Variants in TNS3 observed in about 807,000 individuals in gnomAD.
The protein encoded by TNS3 is tensin-3.
TNS3 carries 45 observed loss-of-function variants against 140.9 expected under a neutral mutation model. The ratio of observed to expected loss-of-function variants is 0.32; its 90% confidence interval spans 0.25 to 0.41. TNS3 has a LOEUF of 0.41. Among genes scored for constraint, TNS3 ranks in the 10% least tolerant of loss-of-function variants. The probability of loss-of-function intolerance (pLI) is 1.00; values close to 1 mark genes in which losing one functional copy is unlikely to be tolerated. For missense variants in TNS3, 1,716 were observed against 1,906.7 expected, an observed-to-expected ratio of 0.90 and a Z score of 1.86; for synonymous variants, 815 against 788.4, an observed-to-expected ratio of 1.03 and a Z score of -0.56.
rs189812459 is a variant in TNS3, at chr7:47,341,926, T to C, written c.2650+2829A>G. 7.2e-5 allele frequency among the ~76,000 whole-genome samples: 11 copies of C among 152,202 alleles called. No individual in the cohort carries two copies. The East Asian group carries it at 2.1e-3, about 29-fold the overall frequency. ...ATATTTTATCCTCATTTTCATTCAG[T>C]TCAGTATGTTTTTGGATTTCCCTCG... On this transcript the variant is annotated intron_variant, in intron 20 of 30. Transcript: ENST00000311160.
chr7:47,425,318 A>AAACAAC lies in TNS3; in HGVS notation c.390-1140_390-1135dup, dbSNP rs367840444. On this transcript the variant is annotated intron_variant, in intron 9 of 30. Coordinates refer to ENST00000311160, the MANE Select transcript of TNS3 (RefSeq NM_022748.12). The stretch of plus-strand genomic sequence containing the variant: ...GGTGACAGAGTGAGACTCCATCTCA[A>AAACAAC]AACAACAACAACAACAACAACAACA... Among the ~76,000 whole-genome samples the AAACAAC allele has an allele frequency of 8.6e-5, 13 of 151,912 alleles. 1 individual carries two copies. Among genetic ancestry groups the AAACAAC allele is most frequent in the African/African-American group, 2.4e-4 (10 of 41,350 alleles).
chr7:47,280,483 C>T, intron 28 of TNS3, 129 bp from the exon 29 acceptor site: 1 of 862,952 alleles, frequency 1.2e-6, no homozygotes, highest in Admixed American at 2.1e-5. Flanking sequence ...TTTTACTCAT[C>T]ACTTGGAGAG....
At chr7:47,538,445 C>G (rs1441712702) in intron 1 of TNS3, among the ~76,000 whole-genome samples, 1 of 152,122 alleles carries the variant, frequency 6.6e-6, no homozygotes, top group South Asian at 2.1e-4. Context: ...GGAGCAGTGT[C>G]CCAGAGCTCA....
chr7:47,473,043 G>A lies in TNS3; in HGVS notation c.-76+8060C>T, dbSNP rs113411276. On this transcript the variant is annotated intron_variant, in intron 4 of 30. Transcript: ENST00000311160. ...TCCCAATCTGAGTGTGATCGCCCAC[G>A]CAGCCCTCCTCCCACCCGACTGCTC... Among the ~76,000 whole-genome samples the A allele has an allele frequency of 7.9e-3, 1,197 of 152,156 alleles. 18 individuals are homozygous for A. Among genetic ancestry groups the A allele is most frequent in the African/African-American group, 0.027 (1,138 of 41,512 alleles).
In TNS3 at chr7:47,389,104, G is replaced by GAAGAAGAA. The variant is rs1562675556; in HGVS notation, c.1024+7695_1024+7696insTTCTTCTT. Among the ~76,000 whole-genome samples, 10 of 29,978 alleles carry GAAGAAGAA rather than the reference G, an allele frequency of 3.3e-4. 2 individuals are homozygous for GAAGAAGAA. The highest frequency in any genetic ancestry group is 1.8e-3 in the African/African-American group (9 of 4,940). 19.7% of individuals were successfully genotyped at this position (29,978 alleles called of 152,430 possible). On this transcript the variant is annotated intron_variant, in intron 16 of 30. Coordinates refer to ENST00000311160, the MANE Select transcript of TNS3 (RefSeq NM_022748.12). ...AAGAAGAGGAAGAGGAAGAGGAAGC[G>GAAGAAGAA]GAAGCAGAAGAAGAAGAAGAAGAAG...
chr7:47,578,562 G>C (rs1047492685), intron 1 of TNS3, among the ~76,000 whole-genome samples: 23 of 152,160 alleles, frequency 1.5e-4, no homozygotes, highest in Non-Finnish European at 2.2e-4. Context: ...AGGGGGTTGG[G>C]GGGGGGCGGT....
At chr7:47,422,109 T>C (rs537182308) in intron 10 of TNS3, among the ~76,000 whole-genome samples, 1 of 152,350 alleles carries the variant, frequency 6.6e-6, no homozygotes, top group Admixed American at 6.5e-5. Flanking sequence ...TTCGTTTACA[T>C]GCTCGATTAC....
intron 16 of TNS3, among the ~76,000 whole-genome samples, chr7:47,370,257 G>T (rs1465563706): frequency 1.3e-5 from 2 of 151,898 alleles, no homozygotes; most frequent in Non-Finnish European, 2.9e-5. Flanking sequence ...TCCAGCCTGG[G>T]CAAGAGAGCA....
At chr7:47,379,767 G>C (rs1399764209) in intron 16 of TNS3, among the ~76,000 whole-genome samples, 2 of 152,138 alleles carry the variant, frequency 1.3e-5, no homozygotes, top group Non-Finnish European at 2.9e-5. Flanking sequence ...CCTCTGAGCT[G>C]CCAGGAGGGG....
At chr7:47,287,221 T>C (rs1243970858) in intron 27 of TNS3, among the ~76,000 whole-genome samples, 1 of 152,180 alleles carries the variant, frequency 6.6e-6, no homozygotes, top group Non-Finnish European at 1.5e-5. Flanking sequence ...TTATATTATA[T>C]TCCTCTGCTT....
At chr7:47,346,811 T>C (rs1426271967) in intron 17 of TNS3, among the ~76,000 whole-genome samples, 1 of 152,206 alleles carries the variant, frequency 6.6e-6, no homozygotes, top group Non-Finnish European at 1.5e-5. Flanking sequence ...ATGGCCCGAC[T>C]ATGATAATTT....
chr7:47,518,098 C>CA (rs887907632), intron 2 of TNS3, among the ~76,000 whole-genome samples: 1 of 152,214 alleles, frequency 6.6e-6, no homozygotes, highest in African/African-American at 2.4e-5. Flanking sequence ...ACTGGGGTTG[C>CA]AGAGAGCCCA....
At chr7:47,460,576 G>A (rs75257333) in intron 4 of TNS3, among the ~76,000 whole-genome samples, 3,333 of 152,290 alleles carry the variant, frequency 0.022, 108 homozygotes, top group African/African-American at 0.076. Context: ...GCCGCCCTGC[G>A]CTCCCCTCAC....
intron 1 of TNS3, chr7:47,557,117 A>C: frequency 2.2e-6 from 1 of 456,830 alleles, no homozygotes; most frequent in South Asian, 1.5e-5. Flanking sequence ...TGCCTGGAGC[A>C]CATGAGGAGG....
In TNS3 at chr7:47,346,234, A is replaced by G. The variant is rs768225382; in HGVS notation, c.2404T>C (p.Tyr802His). 39 of 1,614,084 alleles carry G rather than the reference A, an allele frequency of 2.4e-5. No homozygotes were observed. Among genetic ancestry groups the G allele is most frequent in the Non-Finnish European group, 3.2e-5 (38 of 1,180,026 alleles). ...GGGAATGGCGGCAGGTTTGGGGCAT[A>G]GTCCACACCAGCCTTTCCCCATGCA... ...KCAWGKAGVDYAPNLPPFPSP... is the reference protein window; with the variant it reads ...KCAWGKAGVDHAPNLPPFPSP... Residue 802 changes from tyrosine (Y) to histidine (H), a missense_variant, in exon 18 of 31, where the codon TAT (tyrosine) becomes CAT (histidine). By Grantham distance (83) the Tyr-to-His change is moderately conservative (BLOSUM62 2). This residue lies in a region of TNS3 where 1,163 missense variants were observed against 1,182.1 expected (regional missense o/e 0.98). Coordinates refer to ENST00000311160, the MANE Select transcript of TNS3 (RefSeq NM_022748.12).
chr7:47,368,412 C>T lies in TNS3; in HGVS notation c.2234G>A (p.Arg745Lys). Residue 745 changes from arginine (R) to lysine (K), a missense_variant, in exon 17 of 31, where the codon AGG (arginine) becomes AAG (lysine). Around this residue, in one of 3 missense-constraint regions of TNS3, gnomAD observed 1,163 missense variants for 1,182.1 expected, o/e 0.98. Coordinates refer to ENST00000311160, the MANE Select transcript of TNS3 (RefSeq NM_022748.12). ...SVGGGLRASSRLPDTGEGPSR... is the reference protein window; with the variant it reads ...SVGGGLRASSKLPDTGEGPSR... ...GGGGCCCTCTCCTGTGTCAGGCAGC[C>T]TGCTGCTTGCCCGGAGCCCACCTCC... 6.6e-7 allele frequency: 1 copy of T among 1,520,924 alleles called. No individual in the cohort carries two copies. The allele number at this position is 1,520,924 out of a possible 1,614,324, so 94.2% of individuals were successfully genotyped here. A position where few individuals can be genotyped will look rare whatever the true frequency, so the allele number is the denominator to read the frequency against.
At chr7:47,453,209 C>A in intron 4 of TNS3, 4 of 985,572 alleles carry the variant, frequency 4.1e-6, no homozygotes, top group Non-Finnish European at 4.8e-6. Context: ...GGACAATGTC[C>A]GCCCGGGGCT....
chr7:47,357,369 G>C (rs1790051762), intron 17 of TNS3, among the ~76,000 whole-genome samples: 1 of 152,094 alleles, frequency 6.6e-6, no homozygotes, highest in Non-Finnish European at 1.5e-5. Context: ...GAGGCCTCCA[G>C]ACTTCAGCTC....
chr7:47,533,802 A>C (rs1799505338), intron 1 of TNS3, among the ~76,000 whole-genome samples: 1 of 152,080 alleles, frequency 6.6e-6, no homozygotes, highest in Non-Finnish European at 1.5e-5. Flanking sequence ...CCTCTGCACA[A>C]GCTCTCTCTC....
Sources: gnomAD v4.1 joint callset for allele counts (sites outside exome capture counted in the v4.1 genomes callset) on GRCh38, gnomAD v4.1.1 for gene constraint, gnomAD v4.1.1 regional missense constraint, MANE v1.5 for transcripts, NCBI Gene and HGNC (gene_info 2026-07-23, HGNC 2026-07-21) for gene names.